The following GPC5 variants were observed in gnomAD, a reference collection of about 807,000 sequenced individuals.
GPC5 encodes glypican 5, also known as glypican-5.
Under a neutral mutation model 53.9 loss-of-function variants are expected in GPC5, and 47 were observed. The observed-to-expected ratio is 0.87, with a 90% confidence interval of 0.69 to 1.11. The LOEUF is 1.11. Ranked by LOEUF, GPC5 falls within the 50% of genes most tolerant of loss-of-function variation. The pLI, the probability that GPC5 is intolerant of heterozygous loss-of-function variation, is 0.00. For missense variants in GPC5, 748 were observed against 713.1 expected, an observed-to-expected ratio of 1.05 and a Z score of -0.56; for synonymous variants, 286 against 263.3, an observed-to-expected ratio of 1.09 and a Z score of -0.84.
intron 6 of GPC5, among the ~76,000 whole-genome samples, chr13:92,049,437 T>G (rs1206266072): frequency 6.6e-6 from 1 of 152,064 alleles, no homozygotes; most frequent in Non-Finnish European, 1.5e-5. Context: ...AGGGAGACAG[T>G]AAAACAGGCA....
chr13:91,634,166 AT>A lies in GPC5; in HGVS notation c.326-59020del, dbSNP rs1298857963. ...GTGGATTATTTTGTTAATATTTATA[AT>A]AGTAAAAATTCTTATTATTCAATAA... On this transcript the variant is annotated intron_variant, in intron 2 of 7. Transcript: ENST00000377067. Among the ~76,000 whole-genome samples the A allele has an allele frequency of 3.9e-5, 6 of 152,202 alleles. No homozygotes were observed. In the East Asian group the frequency reaches 1.2e-3, roughly 29 times the overall value.
intron 7 of GPC5, among the ~76,000 whole-genome samples, chr13:92,764,373 G>A (rs1367539194): frequency 1.3e-5 from 2 of 152,208 alleles, no homozygotes; most frequent in African/African-American, 4.8e-5. Flanking sequence ...TGAGTTTACA[G>A]TGGTGCAGCT....
intron 7 of GPC5, among the ~76,000 whole-genome samples, chr13:92,435,470 G>C (rs1877265642): frequency 1.3e-5 from 2 of 152,118 alleles, no homozygotes; most frequent in African/African-American, 4.8e-5. Context: ...TTTTGTTAGA[G>C]ATAAAAGATC....
chr13:91,496,059 A>G (rs1884244770), intron 2 of GPC5, among the ~76,000 whole-genome samples: 1 of 152,058 alleles, frequency 6.6e-6, no homozygotes. Context: ...TAAAAAATAA[A>G]ATTAGATCTT....
At chr13:92,021,125 T>G (rs1594727937) in intron 6 of GPC5, among the ~76,000 whole-genome samples, 3 of 152,326 alleles carry the variant, frequency 2.0e-5, no homozygotes, top group East Asian at 3.9e-4. Flanking sequence ...GAAATTCCAC[T>G]TCTGAGGATT....
At chr13:92,546,234 T>C (rs950975476) in intron 7 of GPC5, among the ~76,000 whole-genome samples, 3 of 152,140 alleles carry the variant, frequency 2.0e-5, no homozygotes, top group African/African-American at 4.8e-5. Flanking sequence ...TTGTCCGCAT[T>C]TGCAGATGAC....
At chr13:91,611,613 T>C (rs1054919421) in intron 2 of GPC5, among the ~76,000 whole-genome samples, 1 of 152,222 alleles carries the variant, frequency 6.6e-6, no homozygotes, top group African/African-American at 2.4e-5. Context: ...TTCTGATTTA[T>C]GTTCCAGTTT....
chr13:91,448,270 A>G (rs1159221218), intron 1 of GPC5, among the ~76,000 whole-genome samples: 3 of 152,210 alleles, frequency 2.0e-5, no homozygotes, highest in East Asian at 1.9e-4. Context: ...GAGATAGCCT[A>G]CTTCACAAGC....
intron 6 of GPC5, among the ~76,000 whole-genome samples, chr13:92,110,335 A>G (rs146754077): frequency 5.3e-5 from 8 of 152,236 alleles, no homozygotes; most frequent in Non-Finnish European, 1.2e-4. Flanking sequence ...TGAATGCAAG[A>G]CCTTATTAAC....
At chr13:92,303,879 C>T (rs542163379) in intron 7 of GPC5, among the ~76,000 whole-genome samples, 6 of 152,114 alleles carry the variant, frequency 3.9e-5, no homozygotes, top group Non-Finnish European at 8.8e-5. Flanking sequence ...GGTTTTCCAG[C>T]ATAAGTTTAT....
At chr13:92,607,468 GA>G (rs200919187) in intron 7 of GPC5, among the ~76,000 whole-genome samples, 3,283 of 148,864 alleles carry the variant, frequency 0.022, 94 homozygotes, top group African/African-American at 0.063. Flanking sequence ...GAAAACGACA[GA>G]AAAAAAAAAT....
Position 91,557,040 on chromosome 13 carries a change from G to C in GPC5, c.325+108118G>C, listed in dbSNP as rs549941178. ...GTTTACAGGTTTTTGGGTGGACGTA[G>C]TTTTTATTAACCTAGGCTAAATACC... On this transcript the variant is annotated intron_variant, in intron 2 of 7. Transcript: ENST00000377067. Among the ~76,000 whole-genome samples, 20 of 152,198 alleles carry C rather than the reference G, an allele frequency of 1.3e-4. No homozygotes were observed. In the South Asian group the frequency reaches 3.9e-3, roughly 30 times the overall value.
At chr13:91,673,219 A>G (rs569944777) in intron 2 of GPC5, among the ~76,000 whole-genome samples, 168 of 151,870 alleles carry the variant, frequency 1.1e-3, no homozygotes, top group African/African-American at 3.9e-3. Context: ...AGAAGAAATG[A>G]GGGAAAAAAA....
At chr13:92,302,277 T>C (rs1022214896) in intron 7 of GPC5, among the ~76,000 whole-genome samples, 6 of 152,150 alleles carry the variant, frequency 3.9e-5, no homozygotes, top group Non-Finnish European at 5.9e-5. Context: ...ATAATACCCA[T>C]AGGGAAAAGA....
intron 7 of GPC5, among the ~76,000 whole-genome samples, chr13:92,185,196 C>T (rs2042175388): frequency 6.6e-6 from 1 of 152,114 alleles, no homozygotes; most frequent in African/African-American, 2.4e-5. Context: ...TTATCAGCTT[C>T]AGTTAGTCAG....
Position 92,792,976 on chromosome 13 carries a change from C to T in GPC5, c.1562-73306C>T, listed in dbSNP as rs529010543. 1.8e-3 allele frequency among the ~76,000 whole-genome samples: 279 copies of T among 152,144 alleles called. 1 individual carries two copies. The highest frequency in any genetic ancestry group is 2.8e-3 in the Admixed American group (42 of 15,266). On this transcript the variant is annotated intron_variant, in intron 7 of 7. Coordinates refer to ENST00000377067, the MANE Select transcript of GPC5 (RefSeq NM_004466.6). ...GCGCTGTCAATATTAGACAGATGAA[C>T]GAGACAGAAGGTTATCAAGGATATC...
At chr13:92,262,501 A>G (rs2042773908) in intron 7 of GPC5, among the ~76,000 whole-genome samples, 1 of 152,184 alleles carries the variant, frequency 6.6e-6, no homozygotes, top group Non-Finnish European at 1.5e-5. Flanking sequence ...TTGAGCCAGG[A>G]GGCCAAGAAA....
chr13:92,615,622 T>TA (rs1884656299), intron 7 of GPC5, among the ~76,000 whole-genome samples: 2 of 152,174 alleles, frequency 1.3e-5, no homozygotes, highest in Non-Finnish European at 2.9e-5. Context: ...CTTTAGATGT[T>TA]AAAAAATACA....
chr13:91,530,950 A>G (rs1001966170), intron 2 of GPC5, among the ~76,000 whole-genome samples: 1 of 152,192 alleles, frequency 6.6e-6, no homozygotes, highest in African/African-American at 2.4e-5. Context: ...CATGGTATGG[A>G]TAGATCTCTC....
Sources: gnomAD v4.1 joint callset for allele counts (sites outside exome capture counted in the v4.1 genomes callset) on GRCh38, gnomAD v4.1.1 for gene constraint, MANE v1.5 for transcripts, NCBI Gene and HGNC (gene_info 2026-07-23, HGNC 2026-07-21) for gene names.